The following GRID1 variants were observed in gnomAD, a reference collection of about 807,000 sequenced individuals.
The protein encoded by GRID1 is glutamate receptor ionotropic, delta-1.
A neutral mutation model predicts 98.0 loss-of-function variants in GRID1; 28 were observed. The ratio of observed to expected loss-of-function variants is 0.29; its 90% CI spans 0.21 to 0.39. The LOEUF is 0.39. GRID1 is among the 10% of genes least tolerant of loss of function. The pLI is 1.00. For missense variants in GRID1, 1,111 were observed against 1,340.5 expected, an observed-to-expected ratio of 0.83 and a Z score of 2.67; for synonymous variants, 553 against 538.5, an observed-to-expected ratio of 1.03 and a Z score of -0.37.
chr10:86,267,757 C>G (rs1228721663), intron 2 of GRID1, among the ~76,000 whole-genome samples: 2 of 152,250 alleles, frequency 1.3e-5, no homozygotes, highest in Non-Finnish European at 2.9e-5. Context: ...TCTCCAGCCT[C>G]CTCCTCTGCC....
At chr10:86,122,581 A>G (rs901531072) in intron 4 of GRID1, among the ~76,000 whole-genome samples, 4 of 152,250 alleles carry the variant, frequency 2.6e-5, no homozygotes, top group African/African-American at 2.4e-5. Context: ...GATAACTTAT[A>G]CAACTTCCCT....
At chr10:86,181,482 G>C (rs1450804373) in intron 3 of GRID1, among the ~76,000 whole-genome samples, 1 of 152,188 alleles carries the variant, frequency 6.6e-6, no homozygotes, top group Non-Finnish European at 1.5e-5. Context: ...GACTTCTCTG[G>C]GAGTGATTTA....
chr10:85,875,223 TG>T, intron 5 of GRID1, among the ~76,000 whole-genome samples: 2 of 152,292 alleles, frequency 1.3e-5, no homozygotes, highest in East Asian at 3.9e-4. Flanking sequence ...AGACAGCCCT[TG>T]CTGAATTAAA....
At chr10:85,905,250 A>G (rs1841443854) in intron 5 of GRID1, among the ~76,000 whole-genome samples, 1 of 152,130 alleles carries the variant, frequency 6.6e-6, no homozygotes, top group Non-Finnish European at 1.5e-5. Context: ...GAAAGGAAAT[A>G]CTGTTAACCT....
chr10:85,939,412 T>C (rs1841969053), intron 4 of GRID1, among the ~76,000 whole-genome samples: 1 of 152,230 alleles, frequency 6.6e-6, no homozygotes, highest in Non-Finnish European at 1.5e-5. Context: ...AGAGTAGATG[T>C]CTCACTAAGC....
chr10:86,090,710 CAG>C (rs1844133583), intron 4 of GRID1, among the ~76,000 whole-genome samples: 1 of 152,150 alleles, frequency 6.6e-6, no homozygotes, highest in Non-Finnish European at 1.5e-5. Flanking sequence ...ATTTTAGCTC[CAG>C]ATTGACTCCA....
At chr10:85,885,641 G>T (rs1490210804) in intron 5 of GRID1, among the ~76,000 whole-genome samples, 1 of 152,110 alleles carries the variant, frequency 6.6e-6, no homozygotes, top group Non-Finnish European at 1.5e-5. Context: ...ATCCATTCAG[G>T]CCTCTGATGT....
At chr10:86,340,652 G>A (rs926194239) in intron 2 of GRID1, among the ~76,000 whole-genome samples, 1 of 152,144 alleles carries the variant, frequency 6.6e-6, no homozygotes, top group South Asian at 2.1e-4. Flanking sequence ...TAGAAGTCAC[G>A]GGCTCTTGAA....
chr10:86,364,434 G>A lies in GRID1; in HGVS notation c.80-338C>T, dbSNP rs145048248. On this transcript the variant is annotated intron_variant, in intron 1 of 15. Coordinates refer to ENST00000327946, the MANE Select transcript of GRID1 (RefSeq NM_017551.3). The stretch of plus-strand genomic sequence containing the variant: ...ACACAAGGGACTAAGCCAAGCTGGG[G>A]TGGCCCCAGGCAGCGCCCAAATGCC... 2.1e-4 allele frequency among the ~76,000 whole-genome samples: 32 copies of A among 152,350 alleles called. No homozygotes were observed. In the East Asian group the frequency reaches 5.4e-3, roughly 26 times the overall value.
intron 8 of GRID1, among the ~76,000 whole-genome samples, chr10:85,768,685 G>A (rs1842222250): frequency 6.6e-6 from 1 of 152,168 alleles, no homozygotes; most frequent in African/African-American, 2.4e-5. Flanking sequence ...CAATTATTCT[G>A]TGTTACCATT....
chr10:85,718,355 T>A (rs1026966151), intron 12 of GRID1, among the ~76,000 whole-genome samples: 3 of 151,622 alleles, frequency 2.0e-5, no homozygotes, highest in Non-Finnish European at 4.4e-5. Flanking sequence ...CCTGACTCCT[T>A]GATTTCCACA....
rs560774634 is a variant in GRID1, at chr10:85,740,602, C to T, written c.1234-10988G>A. On this transcript the variant is annotated intron_variant, in intron 8 of 15. Transcript: ENST00000327946. ...TCCTACTCATCCTTTCAATATCATT[C>T]TAGAGATTTTTCCTTGTACCTCCAG... 9.2e-5 allele frequency among the ~76,000 whole-genome samples: 14 copies of T among 152,188 alleles called. No individual in the cohort carries two copies. In the South Asian group the frequency reaches 2.7e-3, roughly 29 times the overall value.
chr10:86,200,693 C>T (rs891461957), intron 3 of GRID1, among the ~76,000 whole-genome samples: 29 of 152,062 alleles, frequency 1.9e-4, no homozygotes, highest in African/African-American at 7.0e-4. Context: ...TTCACTAAGA[C>T]AAACAATTAA....
At chr10:85,923,289 A>G (rs976030460) in intron 4 of GRID1, among the ~76,000 whole-genome samples, 3 of 152,176 alleles carry the variant, frequency 2.0e-5, no homozygotes, top group Admixed American at 6.6e-5. Context: ...AGGTCACTGA[A>G]GGATGGTGGA....
rs937910738 is a variant in GRID1 at position 86,318,195 on chromosome 10, A to G, written c.235+45746T>C. Among the ~76,000 whole-genome samples, 6 of 152,230 alleles carry G rather than the reference A, an allele frequency of 3.9e-5. No homozygotes were observed. In the East Asian group the frequency reaches 1.2e-3, roughly 29 times the overall value. ...CCCTCCAGGCAGGCAGGAAAAGGCA[A>G]TGACTCAGCACCTGAGTGCTGGTGC... On this transcript the variant is annotated intron_variant, in intron 2 of 15. Coordinates refer to ENST00000327946, the MANE Select transcript of GRID1 (RefSeq NM_017551.3).
intron 2 of GRID1, among the ~76,000 whole-genome samples, chr10:86,250,652 C>T (rs969364703): frequency 6.6e-6 from 1 of 151,682 alleles, no homozygotes; most frequent in Non-Finnish European, 1.5e-5. Context: ...TGGGGGGCAG[C>T]CCCCGCCTGG....
rs372046715 is a variant in GRID1 at position 85,826,520 on chromosome 10, G to A, written c.1233+27976C>T. 2.1e-4 allele frequency among the ~76,000 whole-genome samples: 32 copies of A among 152,136 alleles called. No homozygotes were observed. The East Asian group carries it at 5.8e-3, about 28-fold the overall frequency. Reference sequence around the variant, plus strand: ...GTGACCCTCCCCCGTCCCCCACCCTGTTGTTGCGGGCGTAAGCATGTGCCG... The same window carrying A: ...GTGACCCTCCCCCGTCCCCCACCCTATTGTTGCGGGCGTAAGCATGTGCCG... On this transcript the variant is annotated intron_variant, in intron 8 of 15. Coordinates refer to ENST00000327946, the MANE Select transcript of GRID1 (RefSeq NM_017551.3).
At chr10:86,322,276 C>T (rs1021289065) in intron 2 of GRID1, among the ~76,000 whole-genome samples, 1 of 152,114 alleles carries the variant, frequency 6.6e-6, no homozygotes, top group African/African-American at 2.4e-5. Flanking sequence ...CTCCAACCAC[C>T]ACCTAAAAGG....
rs199786360 is a variant in GRID1 at position 85,958,957 on chromosome 10, CA to C, written c.727-42719del. Reference sequence around the variant, plus strand: ...GAGCTATGAGAGTGAAACTCCGTCTCAAAAAAAAAAAAAAAGAAAGAAAGAA... The same window carrying C: ...GAGCTATGAGAGTGAAACTCCGTCTCAAAAAAAAAAAAAAGAAAGAAAGAA... On this transcript the variant is annotated intron_variant, in intron 4 of 15. Coordinates refer to ENST00000327946, the MANE Select transcript of GRID1 (RefSeq NM_017551.3). 3.8e-3 allele frequency among the ~76,000 whole-genome samples: 377 copies of C among 99,242 alleles called. 1 individual carries two copies. Among genetic ancestry groups the C allele is most frequent in the African/African-American group, 6.8e-3 (182 of 26,924 alleles). 65.1% of individuals were successfully genotyped at this position (99,242 alleles called of 152,430 possible).
Sources: gnomAD v4.1 joint callset for allele counts (sites outside exome capture counted in the v4.1 genomes callset) on GRCh38, gnomAD v4.1.1 for gene constraint, MANE v1.5 for transcripts, NCBI Gene and HGNC (gene_info 2026-07-23, HGNC 2026-07-21) for gene names.